Variants in EPHA3 observed in about 807,000 individuals in gnomAD.
The protein encoded by EPHA3 is ephrin type-A receptor 3.
Under a neutral mutation model 107.1 loss-of-function variants are expected in EPHA3, and 42 were observed. The observed-to-expected ratio is 0.39, with a 90% CI of 0.31 to 0.51. The LOEUF (loss-of-function observed/expected upper bound fraction) is 0.51, where lower values mean the gene tolerates loss of function less well. EPHA3 is among the 20% of genes least tolerant of loss of function. The pLI is 0.78. For missense variants in EPHA3, 1,183 were observed against 1,211.2 expected, an observed-to-expected ratio of 0.98 and a Z score of 0.35; for synonymous variants, 461 against 424.8, an observed-to-expected ratio of 1.09 and a Z score of -1.05.
At chr3:89,262,153 A>C (rs937790193) in intron 3 of EPHA3, among the ~76,000 whole-genome samples, 7 of 152,022 alleles carry the variant, frequency 4.6e-5, no homozygotes, top group African/African-American at 1.4e-4. Context: ...ATCAACTCCA[A>C]CTGTTCACAG....
intron 3 of EPHA3, among the ~76,000 whole-genome samples, chr3:89,311,120 C>A (rs973142463): frequency 6.6e-5 from 10 of 151,914 alleles, no homozygotes; most frequent in Non-Finnish European, 1.5e-5. Flanking sequence ...CAAATGGTTG[C>A]AGTTATTATT....
chr3:89,135,716 A>T (rs1704296099), intron 2 of EPHA3, among the ~76,000 whole-genome samples: 2 of 151,492 alleles, frequency 1.3e-5, no homozygotes, highest in Admixed American at 6.6e-5. Flanking sequence ...ATATTTAGTT[A>T]AATGTAGCTA....
At chr3:89,381,877 C>A (rs1205489161) in intron 5 of EPHA3, among the ~76,000 whole-genome samples, 1 of 152,118 alleles carries the variant, frequency 6.6e-6, no homozygotes, top group Non-Finnish European at 1.5e-5. Context: ...AATCTGCTGG[C>A]ACCTTCATCT....
At chr3:89,470,902 G>A (rs761150474) in intron 15 of EPHA3, among the ~76,000 whole-genome samples, 3 of 152,150 alleles carry the variant, frequency 2.0e-5, no homozygotes, top group African/African-American at 4.8e-5. Flanking sequence ...GTACTGTAAG[G>A]ATTAAGGTCC....
intron 2 of EPHA3, among the ~76,000 whole-genome samples, chr3:89,148,437 A>G (rs1349271157): frequency 2.0e-5 from 3 of 151,980 alleles, no homozygotes; most frequent in African/African-American, 7.2e-5. Flanking sequence ...AAAAGCAAAC[A>G]AAAGGAATTT....
In EPHA3 at chr3:89,223,169, T is replaced by A. The variant is rs570182612; in HGVS notation, c.814+12649T>A. Among the ~76,000 whole-genome samples the A allele has an allele frequency of 3.3e-4, 51 of 152,258 alleles. 1 individual carries two copies. Among genetic ancestry groups the A allele is most frequent in the African/African-American group, 1.2e-3 (50 of 41,546 alleles). On this transcript the variant is annotated intron_variant, in intron 3 of 16. Transcript: ENST00000336596. The stretch of plus-strand genomic sequence containing the variant: ...AACATGTATGCTGCTTTAAAATCTA[T>A]TTTTTCTCCTTTTTAAAAAACTCCT...
chr3:89,414,310 T>G (rs1049257066), intron 10 of EPHA3, among the ~76,000 whole-genome samples: 3 of 151,712 alleles, frequency 2.0e-5, no homozygotes, highest in Non-Finnish European at 4.4e-5. Context: ...TCTTAATTTC[T>G]TATCCTAAAA....
At chr3:89,459,300 A>G (rs1298885929) in intron 15 of EPHA3, among the ~76,000 whole-genome samples, 1 of 152,218 alleles carries the variant, frequency 6.6e-6, no homozygotes, top group Non-Finnish European at 1.5e-5. Context: ...TTGGATAATG[A>G]AAAGGCAAGG....
At chr3:89,355,831 T>C (rs1301382196) in intron 5 of EPHA3, among the ~76,000 whole-genome samples, 1 of 149,140 alleles carries the variant, frequency 6.7e-6, no homozygotes, top group Non-Finnish European at 1.5e-5. Context: ...TATATATATT[T>C]TTTATTTTAT....
intron 3 of EPHA3, among the ~76,000 whole-genome samples, chr3:89,339,254 C>T (rs1480221505): frequency 1.3e-5 from 2 of 151,778 alleles, no homozygotes; most frequent in Non-Finnish European, 2.9e-5. Context: ...GCCTGTAATC[C>T]CAGCTACCTG....
intron 13 of EPHA3, among the ~76,000 whole-genome samples, chr3:89,441,952 G>T (rs995565202): frequency 4.0e-5 from 6 of 151,824 alleles, no homozygotes; most frequent in Admixed American, 3.3e-4. Context: ...TCTTATTCGT[G>T]TCTCTCTATG....
intron 3 of EPHA3, among the ~76,000 whole-genome samples, chr3:89,236,438 G>A (rs1704763161): frequency 6.6e-6 from 1 of 151,702 alleles, no homozygotes; most frequent in Admixed American, 6.6e-5. Context: ...TAGCAATATA[G>A]TATTAAGTAA....
rs1260580632 is a variant in EPHA3 at position 89,467,610 on chromosome 3, T to A, written c.2691-4854T>A. On this transcript the variant is annotated intron_variant, in intron 15 of 16. Transcript: ENST00000336596. ...ATTGGCAGTTGTTTATTGAGCTTTT[T>A]CCCCAGTATCTGGTGCTAATTTTTA... is the stretch of plus-strand genomic sequence containing the variant. Among the ~76,000 whole-genome samples the A allele has an allele frequency of 3.3e-5, 5 of 152,308 alleles. No homozygotes were observed. The East Asian group carries it at 9.7e-4, about 29-fold the overall frequency.
intron 3 of EPHA3, among the ~76,000 whole-genome samples, chr3:89,238,201 T>C (rs770177318): frequency 4.6e-5 from 7 of 152,100 alleles, no homozygotes; most frequent in Admixed American, 4.6e-4. Flanking sequence ...TTAAGAAAAG[T>C]ATATTTTTAA....
rs1359584198 is a variant in EPHA3 at position 89,160,583 on chromosome 3, TGTGTGTGC to T, written c.153+33312_153+33319del. Among the ~76,000 whole-genome samples, 130 of 136,170 alleles carry T rather than the reference TGTGTGTGC, an allele frequency of 9.5e-4. 2 individuals are homozygous for T. The highest frequency in any genetic ancestry group is 3.6e-3 in the African/African-American group (125 of 34,676). The allele number at this position is 136,170 out of a possible 152,430, so 89.3% of individuals were successfully genotyped here. On this transcript the variant is annotated intron_variant, in intron 2 of 16. Transcript: ENST00000336596. ...GTGTGTGTGTGTGTGTGTGTGTGTG[TGTGTGTGC>T]GCGCATTCTTTTTCTGTGTGTATTT...
chr3:89,107,860 G>T, intron 1 of EPHA3, 24 bp downstream of exon 1: 1 of 1,609,328 alleles, frequency 6.2e-7, no homozygotes, highest in Non-Finnish European at 8.5e-7. Flanking sequence ...CGCGACGCAC[G>T]GAGCTCTGCC....
chr3:89,317,413 CT>C (rs1295399708), intron 3 of EPHA3, among the ~76,000 whole-genome samples: 1 of 151,704 alleles, frequency 6.6e-6, no homozygotes, highest in East Asian at 1.9e-4. Context: ...CATGACATTA[CT>C]GGCAAATGGG....
chr3:89,239,459 A>G (rs1487686987), intron 3 of EPHA3, among the ~76,000 whole-genome samples: 3 of 152,154 alleles, frequency 2.0e-5, no homozygotes, highest in Non-Finnish European at 4.4e-5. Flanking sequence ...TAAATCTTAC[A>G]TCTTAGGGAT....
chr3:89,471,861 G>A (rs1710410209), intron 15 of EPHA3, among the ~76,000 whole-genome samples: 1 of 151,746 alleles, frequency 6.6e-6, no homozygotes, highest in Non-Finnish European at 1.5e-5. Context: ...AACTTCATTT[G>A]GTGTCAAGTA....
Sources: gnomAD v4.1 joint callset for allele counts (sites outside exome capture counted in the v4.1 genomes callset) on GRCh38, gnomAD v4.1.1 for gene constraint, MANE v1.5 for transcripts, NCBI Gene and HGNC (gene_info 2026-07-23, HGNC 2026-07-21) for gene names.